The following PPP1R1C variants were observed in gnomAD, a reference collection of about 807,000 sequenced individuals.
The protein encoded by PPP1R1C is protein phosphatase 1 regulatory inhibitor subunit 1C, also known as protein phosphatase 1 regulatory subunit 1C.
Under a neutral mutation model 17.4 loss-of-function variants are expected in PPP1R1C, and 15 were observed. That is an observed-to-expected ratio of 0.86 (90% CI 0.58 to 1.33). The LOEUF (loss-of-function observed/expected upper bound fraction) is 1.33. PPP1R1C is among the 40% of genes most tolerant of loss of function. PPP1R1C has a pLI of 0.00. For missense variants in PPP1R1C, 143 were observed against 130.0 expected (o/e 1.10, Z -0.48); for synonymous variants, 35 against 43.1 (o/e 0.81, Z 0.73).
intron 4 of PPP1R1C, among the ~76,000 whole-genome samples, chr2:182,069,264 G>C (rs1409255039): frequency 1.3e-5 from 2 of 151,582 alleles, no homozygotes; most frequent in African/African-American, 4.8e-5. Flanking sequence ...ATATATACAA[G>C]TCTCGCTTTC....
At chr2:182,016,381 C>A (rs188545738) in intron 2 of PPP1R1C, among the ~76,000 whole-genome samples, 1 of 152,208 alleles carries the variant, frequency 6.6e-6, no homozygotes, top group East Asian at 1.9e-4. Context: ...AAGTTGCTTT[C>A]TTGTGTGGAT....
At chr2:182,116,402 G>C (rs1322969327) in intron 4 of PPP1R1C, among the ~76,000 whole-genome samples, 1 of 152,132 alleles carries the variant, frequency 6.6e-6, no homozygotes, top group African/African-American at 2.4e-5. Flanking sequence ...ATGGGGAATT[G>C]GGGTAGCCAT....
intron 1 of PPP1R1C, among the ~76,000 whole-genome samples, chr2:181,972,837 T>C (rs1685035332): frequency 6.6e-6 from 1 of 152,212 alleles, no homozygotes; most frequent in South Asian, 2.1e-4. Flanking sequence ...CCTACTCCTA[T>C]CATTCATTTT....
intron 4 of PPP1R1C, among the ~76,000 whole-genome samples, chr2:182,110,930 T>G (rs555123218): frequency 5.8e-4 from 88 of 152,012 alleles, no homozygotes; most frequent in Non-Finnish European, 1.2e-3. Context: ...AAATGGGCAC[T>G]AGAGGGGCAC....
At chr2:182,091,172 A>T (rs1336500788) in intron 4 of PPP1R1C, among the ~76,000 whole-genome samples, 1 of 152,208 alleles carries the variant, frequency 6.6e-6, no homozygotes, top group Non-Finnish European at 1.5e-5. Flanking sequence ...AGCACAAAGG[A>T]GACTGAGAAG....
At chr2:182,010,852 A>ATGCTTTTC (rs781543749) in intron 2 of PPP1R1C, among the ~76,000 whole-genome samples, 4 of 152,012 alleles carry the variant, frequency 2.6e-5, no homozygotes, top group African/African-American at 4.8e-5. Flanking sequence ...ATTTTGTCAA[A>ATGCTTTTC]TGCTTTTTCA....
chr2:182,087,451 T>C (rs567911271), intron 4 of PPP1R1C, among the ~76,000 whole-genome samples: 1 of 152,232 alleles, frequency 6.6e-6, no homozygotes, highest in Non-Finnish European at 1.5e-5. Context: ...GCTGCTTTCA[T>C]CTTTTTAACA....
intron 4 of PPP1R1C, 124 bp from the exon 5 acceptor site, chr2:182,117,083 T>A: frequency 1.4e-6 from 1 of 711,100 alleles, no homozygotes; most frequent in Non-Finnish European, 2.4e-6. Flanking sequence ...GTTAAGATTC[T>A]TGGAGAAAAA....
downstream of PPP1R1C, chr2:182,130,792 A>C: frequency 6.6e-6 from 1 of 152,182 alleles, no homozygotes; most frequent in Non-Finnish European, 1.5e-5. Context: ...ACATTTGTCA[A>C]GTGTTTTAAA....
At chr2:182,078,393 C>T (rs930380054) in intron 4 of PPP1R1C, among the ~76,000 whole-genome samples, 2 of 151,994 alleles carry the variant, frequency 1.3e-5, no homozygotes, top group Non-Finnish European at 2.9e-5. Context: ...TCAGGACAAC[C>T]GTAACCAAAG....
At chr2:182,104,661 G>A (rs1384751200) in intron 4 of PPP1R1C, among the ~76,000 whole-genome samples, 1 of 152,124 alleles carries the variant, frequency 6.6e-6, no homozygotes, top group African/African-American at 2.4e-5. Context: ...TGATTTACTA[G>A]TGTTTATTTA....
intron 2 of PPP1R1C, among the ~76,000 whole-genome samples, chr2:181,977,662 C>G (rs573769634): frequency 6.6e-6 from 1 of 152,064 alleles, no homozygotes; most frequent in Non-Finnish European, 1.5e-5. Context: ...TGGCTCATGC[C>G]CGTAATCCCA....
intron 4 of PPP1R1C, among the ~76,000 whole-genome samples, chr2:182,085,764 A>C (rs1688610008): frequency 6.6e-6 from 1 of 152,184 alleles, no homozygotes; most frequent in South Asian, 2.1e-4. Flanking sequence ...TGAAGAAATG[A>C]CACTGCAACA....
chr2:182,095,465 C>T (rs1413173009), intron 4 of PPP1R1C, among the ~76,000 whole-genome samples: 1 of 152,108 alleles, frequency 6.6e-6, no homozygotes, highest in African/African-American at 2.4e-5. Flanking sequence ...ACAAAGTTCC[C>T]ACCATTCATT....
intron 2 of PPP1R1C, among the ~76,000 whole-genome samples, chr2:182,006,297 T>A (rs1685922161): frequency 6.6e-6 from 1 of 152,172 alleles, no homozygotes; most frequent in Non-Finnish European, 1.5e-5. Flanking sequence ...ACATACACTT[T>A]GATCTTCACT....
At position 181,976,653 on chromosome 2, in the gene PPP1R1C, C is replaced by T. The variant is rs1370463209; in HGVS notation, n.157+1389C>T. ...GTATCTATCTATTCCTCACTCCTCT[C>T]TGTCTCTTGAGTATTTTAAACATCT... On this transcript the variant is annotated intron_variant and non_coding_transcript_variant, in intron 2 of 5. Transcript: ENST00000464264. The surrounding 1 kb of genome is among the most constrained non-coding windows in gnomAD (Gnocchi z 4.8). Among the ~76,000 whole-genome samples, 1 of 152,106 alleles carries T rather than the reference C, an allele frequency of 6.6e-6. No individual in the cohort carries two copies. The highest frequency in any genetic ancestry group is 2.4e-5 in the African/African-American group (1 of 41,414).
chr2:182,051,066 G>C (rs1687501742), intron 2 of PPP1R1C, among the ~76,000 whole-genome samples: 1 of 152,162 alleles, frequency 6.6e-6, no homozygotes, highest in South Asian at 2.1e-4. Flanking sequence ...ATCCTCACCT[G>C]AATACTTTGA....
rs376411057 is a variant in PPP1R1C, at chr2:182,105,360, C to T, written c.242-11847C>T. Reference sequence around the variant, plus strand: ...AATTGTGGTCAAAAATTTTATGTGACATCCGTCAGCATAGTTTTAGGCTTT... The same window carrying T: ...AATTGTGGTCAAAAATTTTATGTGATATCCGTCAGCATAGTTTTAGGCTTT... On this transcript the variant is annotated intron_variant, in intron 4 of 4. Coordinates refer to ENST00000682840, the MANE Select transcript of PPP1R1C (RefSeq NM_001080545.3). Among the ~76,000 whole-genome samples, 186 of 152,278 alleles carry T rather than the reference C, an allele frequency of 1.2e-3. 2 individuals are homozygous for T. The highest frequency in any genetic ancestry group is 5.8e-3 in the South Asian group (28 of 4,826).
chr2:181,989,282 C>T (rs912575896), intron 2 of PPP1R1C, among the ~76,000 whole-genome samples: 5 of 152,130 alleles, frequency 3.3e-5, no homozygotes, highest in African/African-American at 1.2e-4. Context: ...TGTAAGTGAC[C>T]TTCATCCTCT....
Sources: allele counts gnomAD v4.1 joint callset (sites outside exome capture counted in the v4.1 genomes callset), GRCh38; gene constraint gnomAD v4.1.1; non-coding constraint Gnocchi (gnomAD v3.1); transcripts MANE v1.5; gene names NCBI Gene and HGNC (gene_info 2026-07-23, HGNC 2026-07-21).